Variants in NLGN1 observed in about 807,000 individuals in gnomAD.
The protein encoded by NLGN1 is neuroligin-1.
Under a neutral mutation model 65.5 loss-of-function variants are expected in NLGN1, and 12 were observed. The observed-to-expected ratio is 0.18, with a 90% CI of 0.12 to 0.30. The LOEUF (loss-of-function observed/expected upper bound fraction) is 0.30, where lower values mean the gene tolerates loss of function less well. NLGN1 is among the 10% of genes least tolerant of loss of function. The pLI is 1.00. For missense variants in NLGN1, 750 were observed against 1,007.1 expected, an observed-to-expected ratio of 0.74 and a Z score of 3.46; for synonymous variants, 350 against 359.5, an observed-to-expected ratio of 0.97 and a Z score of 0.30.
chr3:173,895,444 A>C (rs1736172592), intron 4 of NLGN1, among the ~76,000 whole-genome samples: 1 of 152,122 alleles, frequency 6.6e-6, no homozygotes, highest in South Asian at 2.1e-4. Flanking sequence ...GAGAAGCCAA[A>C]ATATGGTAAA....
At chr3:174,291,326 G>A (rs1484396077), downstream of NLGN1, among the ~76,000 whole-genome samples, 1 of 150,992 alleles carries the variant, frequency 6.6e-6, no homozygotes, top group Non-Finnish European at 1.5e-5. Context: ...TACAATGAAA[G>A]CTGTAATTCA....
chr3:173,503,122 A>G (rs1351236257), intron 2 of NLGN1, among the ~76,000 whole-genome samples: 1 of 151,666 alleles, frequency 6.6e-6, no homozygotes, highest in Non-Finnish European at 1.5e-5. Flanking sequence ...ATTTAACCCT[A>G]TTTTATAAAC....
chr3:173,443,128 A>G lies in NLGN1; in HGVS notation c.-321+8050A>G, dbSNP rs541523094. 4.6e-5 allele frequency among the ~76,000 whole-genome samples: 7 copies of G among 152,004 alleles called. No homozygotes were observed. The South Asian group carries it at 1.5e-3, about 32-fold the overall frequency. ...GTACCTAGTGGCTATAATCCCTACT[A>G]CTAGGAAGACTGAGGTGGGAAGATC... On this transcript the variant is annotated intron_variant, in intron 2 of 6. Transcript: ENST00000457714.
At chr3:173,395,964 C>T (rs1716584155), upstream of NLGN1, among the ~76,000 whole-genome samples, 1 of 152,102 alleles carries the variant, frequency 6.6e-6, no homozygotes, top group South Asian at 2.1e-4. Context: ...ACTCCTGCAC[C>T]CGACAACGCC....
chr3:173,780,836 A>C (rs1469429947), intron 3 of NLGN1, among the ~76,000 whole-genome samples: 1 of 152,132 alleles, frequency 6.6e-6, no homozygotes, highest in Non-Finnish European at 1.5e-5. Flanking sequence ...ATATATGTTC[A>C]TGGTTTTTGA....
intron 3 of NLGN1, among the ~76,000 whole-genome samples, chr3:173,643,684 A>C (rs1757760248): frequency 6.6e-6 from 1 of 152,146 alleles, no homozygotes; most frequent in South Asian, 2.1e-4. Context: ...TGGGGAAAAA[A>C]TAATCCTAGT....
At chr3:173,866,829 G>A (rs1032917355) in intron 4 of NLGN1, among the ~76,000 whole-genome samples, 1 of 152,112 alleles carries the variant, frequency 6.6e-6, no homozygotes, top group Non-Finnish European at 1.5e-5. Flanking sequence ...ACCCTTTTGG[G>A]AATGGTCATC....
intron 4 of NLGN1, among the ~76,000 whole-genome samples, chr3:173,838,148 G>C (rs1056648669): frequency 2.0e-5 from 3 of 151,422 alleles, no homozygotes; most frequent in Non-Finnish European, 2.9e-5. Flanking sequence ...TGATTAACTT[G>C]AGCATTTGTT....
At chr3:173,429,451 G>T (rs1716781066) in intron 1 of NLGN1, among the ~76,000 whole-genome samples, 1 of 152,112 alleles carries the variant, frequency 6.6e-6, no homozygotes, top group South Asian at 2.1e-4. Context: ...TTGAATAGTT[G>T]ATCTGAGAGG....
At position 174,279,934 on chromosome 3, in the gene NLGN1, G is replaced by A. The variant is rs962845827; in HGVS notation, c.1649+284G>A. On this transcript the variant is annotated intron_variant, in intron 6 of 6. Coordinates refer to ENST00000457714, the Ensembl canonical transcript of NLGN1. This position sits in a 1 kb window ranked among gnomAD's most constrained non-coding sequence, Gnocchi z 4.7. Reference sequence around the variant, plus strand: ...ATACAAGACTTGTTATTGTTCAGCAGTAATAAATATTATTTTATAGTGCTT... The same window carrying A: ...ATACAAGACTTGTTATTGTTCAGCAATAATAAATATTATTTTATAGTGCTT... Among the ~76,000 whole-genome samples, 1 of 151,900 alleles carries A rather than the reference G, an allele frequency of 6.6e-6. No individual in the cohort carries two copies. The highest frequency in any genetic ancestry group is 1.5e-5 in the Non-Finnish European group (1 of 67,936).
intron 3 of NLGN1, among the ~76,000 whole-genome samples, chr3:173,684,116 G>C (rs969098021): frequency 2.6e-5 from 4 of 151,914 alleles, no homozygotes; most frequent in African/African-American, 9.7e-5. Flanking sequence ...ATTTTATTTA[G>C]TATATTGAAA....
Position 173,679,903 on chromosome 3 carries a change from A to G in NLGN1, c.493+74812A>G, listed in dbSNP as rs556452609. On this transcript the variant is annotated intron_variant, in intron 3 of 6. Coordinates refer to ENST00000457714, the Ensembl canonical transcript of NLGN1. ...TGTCCTACAGAATATGGCATGTTTTATGATAAAAGTTCTTTGAAAAGTTCA... is the reference window on the plus strand; with the variant it reads ...TGTCCTACAGAATATGGCATGTTTTGTGATAAAAGTTCTTTGAAAAGTTCA... 3.3e-5 allele frequency among the ~76,000 whole-genome samples: 5 copies of G among 152,238 alleles called. No homozygotes were observed. In the South Asian group the frequency reaches 1.0e-3, roughly 32 times the overall value.
At chr3:173,690,761 G>T (rs1765351813) in intron 3 of NLGN1, among the ~76,000 whole-genome samples, 1 of 152,128 alleles carries the variant, frequency 6.6e-6, no homozygotes, top group Non-Finnish European at 1.5e-5. Context: ...ACGAGGCATA[G>T]ATTTTTTAAA....
chr3:173,964,135 GGA>G lies in NLGN1; in HGVS notation c.646+156314_646+156315del, dbSNP rs1206331442. Among the ~76,000 whole-genome samples the G allele has an allele frequency of 2.0e-5, 3 of 152,004 alleles. No homozygotes were observed. The East Asian group carries it at 5.8e-4, about 29-fold the overall frequency. On this transcript the variant is annotated intron_variant, in intron 4 of 6. Transcript: ENST00000457714. ...GGAAACTTAAACACATCCTATGTGT[GGA>G]GAGAGAGAGAAGATTGAGACGTAGG...
At chr3:174,124,303 T>C (rs1002080481) in intron 4 of NLGN1, among the ~76,000 whole-genome samples, 2 of 152,090 alleles carry the variant, frequency 1.3e-5, no homozygotes, top group African/African-American at 4.8e-5. Flanking sequence ...TGTTAATAGC[T>C]ACCATTTATT....
At chr3:173,506,907 A>C (rs1382488768) in intron 2 of NLGN1, among the ~76,000 whole-genome samples, 1 of 152,136 alleles carries the variant, frequency 6.6e-6, no homozygotes, top group Non-Finnish European at 1.5e-5. Context: ...GGTCAAAATG[A>C]AAAAGAATGT....
chr3:174,046,257 G>T (rs116005170), intron 4 of NLGN1, among the ~76,000 whole-genome samples: 1 of 152,062 alleles, frequency 6.6e-6, no homozygotes, highest in African/African-American at 2.4e-5. Context: ...AAATGGATTT[G>T]AATACAATGG....
At chr3:173,774,727 G>C (rs1292763527) in intron 3 of NLGN1, among the ~76,000 whole-genome samples, 1 of 152,022 alleles carries the variant, frequency 6.6e-6, no homozygotes, top group Admixed American at 6.6e-5. Context: ...ATTCTTTGTT[G>C]TTTCTGAGTA....
Position 173,595,759 on chromosome 3 carries a change from A to G in NLGN1, c.-320-8520A>G, listed in dbSNP as rs1192218529. The stretch of plus-strand genomic sequence containing the variant: ...GCTGGGGAGGCCTCAGAATTATTGC[A>G]GGAGGCAAAAGGCACTTCTTATGTG... On this transcript the variant is annotated intron_variant, in intron 2 of 6. Transcript: ENST00000457714. 3.9e-5 allele frequency among the ~76,000 whole-genome samples: 6 copies of G among 152,244 alleles called. No homozygotes were observed. In the East Asian group the frequency reaches 1.2e-3, roughly 29 times the overall value.
Sources: gnomAD v4.1 joint callset for allele counts (sites outside exome capture counted in the v4.1 genomes callset) on GRCh38, gnomAD v4.1.1 for gene constraint, Gnocchi (gnomAD v3.1) non-coding constraint, MANE v1.5 for transcripts, NCBI Gene and HGNC (gene_info 2026-07-23, HGNC 2026-07-21) for gene names.